Variants in XPR1 observed in about 807,000 individuals in gnomAD.
XPR1 encodes the protein solute carrier family 53 member 1.
Under a neutral mutation model 87.5 loss-of-function variants are expected in XPR1, and 28 were observed. The ratio of observed to expected loss-of-function variants is 0.32; its 90% CI spans 0.24 to 0.44. XPR1 has a LOEUF of 0.44. Ranked by LOEUF, XPR1 falls within the 20% of genes least tolerant of loss-of-function variation. XPR1 has a pLI of 1.00. For synonymous variants in XPR1, 300 were observed against 306.1 expected, an observed-to-expected ratio of 0.98 and a Z score of 0.21; for missense variants, 559 against 862.3, an observed-to-expected ratio of 0.65 and a Z score of 4.41.
At chr1:180,811,534 T>A in intron 7 of XPR1, 46 bp downstream of exon 7, 8 of 1,453,308 alleles carry the variant, frequency 5.5e-6, no homozygotes, top group Non-Finnish European at 7.7e-6. Flanking sequence ...CCAATATGCC[T>A]GTGTCATATT....
At chr1:180,656,587 AAT>A (rs1490682519) in intron 1 of XPR1, among the ~76,000 whole-genome samples, 1 of 97,868 alleles carries the variant, frequency 1.0e-5, no homozygotes, top group African/African-American at 3.9e-5. Flanking sequence ...ATGTATGTAT[AAT>A]ATATATTTTA....
chr1:180,642,049 A>G (rs1418076193), intron 1 of XPR1, among the ~76,000 whole-genome samples: 2 of 152,196 alleles, frequency 1.3e-5, no homozygotes, highest in Non-Finnish European at 2.9e-5. Flanking sequence ...GCAAATGCCA[A>G]TTAAAAGACT....
intron 2 of XPR1, among the ~76,000 whole-genome samples, chr1:180,741,289 G>C (rs900230861): frequency 2.0e-5 from 3 of 151,712 alleles, no homozygotes; most frequent in Admixed American, 2.0e-4. Flanking sequence ...TTATTCTCCC[G>C]AGTAGCTGGG....
chr1:180,866,349 C>G (rs186244643), intron 12 of XPR1, among the ~76,000 whole-genome samples: 6 of 152,284 alleles, frequency 3.9e-5, no homozygotes, highest in African/African-American at 1.4e-4. Context: ...AAAATCAGTT[C>G]TTAGGGATTA....
At chr1:180,663,151 G>A (rs1178669696) in intron 1 of XPR1, among the ~76,000 whole-genome samples, 2 of 152,122 alleles carry the variant, frequency 1.3e-5, no homozygotes. Context: ...AGTTCCTTTG[G>A]TGAGGTCATG....
intron 9 of XPR1, among the ~76,000 whole-genome samples, chr1:180,834,609 T>C (rs140851114): frequency 8.1e-4 from 124 of 152,342 alleles, no homozygotes; most frequent in African/African-American, 2.8e-3. Context: ...TTGCAAAGAA[T>C]TAGCAGCATC....
intron 2 of XPR1, among the ~76,000 whole-genome samples, chr1:180,738,210 C>A (rs1327969092): frequency 6.6e-6 from 1 of 152,050 alleles, no homozygotes; most frequent in Non-Finnish European, 1.5e-5. Flanking sequence ...TGAAGTTTGG[C>A]CACGTTGGCC....
intron 2 of XPR1, among the ~76,000 whole-genome samples, chr1:180,769,283 T>G (rs1648406763): frequency 6.6e-6 from 1 of 152,152 alleles, no homozygotes; most frequent in Non-Finnish European, 1.5e-5. Context: ...TTAAGTTATT[T>G]TTAAATGTAC....
At chr1:180,796,147 A>G (rs562162556) in intron 3 of XPR1, among the ~76,000 whole-genome samples, 2 of 152,214 alleles carry the variant, frequency 1.3e-5, no homozygotes, top group African/African-American at 4.8e-5. Flanking sequence ...GATTTTCATC[A>G]TAGATCAAAG....
At position 180,884,302 on chromosome 1, in the gene XPR1, A is replaced by G. The variant is rs979592769; in HGVS notation, c.*236A>G. Reference sequence around the variant, plus strand: ...AAACAAATATTTACTTCATTTGCCAATCAGAGGATGTTTTAAGAAACAAAA... The same window carrying G: ...AAACAAATATTTACTTCATTTGCCAGTCAGAGGATGTTTTAAGAAACAAAA... On this transcript the variant is annotated 3_prime_UTR_variant, in exon 15 of 15. Transcript: ENST00000367590. The G allele has an allele frequency of 1.4e-5, 6 of 426,542 alleles. No individual in the cohort carries two copies. Among genetic ancestry groups the G allele is most frequent in the African/African-American group, 1.2e-4 (6 of 49,252 alleles). The allele number at this position is 426,542 out of a possible 1,614,324, so 26.4% of individuals were successfully genotyped here. A position where few individuals can be genotyped will look rare whatever the true frequency, so the allele number is the denominator to read the frequency against.
chr1:180,792,875 T>C (rs1294464978), intron 3 of XPR1, among the ~76,000 whole-genome samples: 1 of 152,084 alleles, frequency 6.6e-6, no homozygotes, highest in Non-Finnish European at 1.5e-5. Flanking sequence ...AAATACTTAG[T>C]TTCTAAACAG....
chr1:180,870,566 T>C lies in XPR1; in HGVS notation c.1669-3237T>C, dbSNP rs2102216041. Reference sequence around the variant, plus strand: ...TGTTGAATTGATCCCTTTACCATTATGTAATGGCCTTCTTTGTCTCTTTTG... The same window carrying C: ...TGTTGAATTGATCCCTTTACCATTACGTAATGGCCTTCTTTGTCTCTTTTG... On this transcript the variant is annotated intron_variant, in intron 12 of 14. Transcript: ENST00000367590. 4.7e-5 allele frequency among the ~76,000 whole-genome samples: 2 copies of C among 42,368 alleles called. 1 individual carries two copies. The highest frequency in any genetic ancestry group is 0.012 in the Middle Eastern group (2 of 172). 27.8% of individuals were successfully genotyped at this position (42,368 alleles called of 152,430 possible).
At chr1:180,776,653 T>G (rs1648738032) in intron 2 of XPR1, among the ~76,000 whole-genome samples, 1 of 152,128 alleles carries the variant, frequency 6.6e-6, no homozygotes, top group East Asian at 1.9e-4. Flanking sequence ...CAAAAATCAT[T>G]TGAAAACCAC....
chr1:180,669,044 G>A (rs10914062), intron 1 of XPR1, among the ~76,000 whole-genome samples: 6,478 of 149,132 alleles, frequency 0.043, 494 homozygotes, highest in African/African-American at 0.15. Context: ...AGCTGAGATC[G>A]CACCATTGCA....
In XPR1 at chr1:180,652,650, A is replaced by G. The variant is rs181051782; in HGVS notation, c.69+20380A>G. Among the ~76,000 whole-genome samples the G allele has an allele frequency of 4.8e-3, 729 of 152,308 alleles. 6 individuals are homozygous for G. Among genetic ancestry groups the G allele is most frequent in the Non-Finnish European group, 5.4e-3 (368 of 68,014 alleles). On this transcript the variant is annotated intron_variant, in intron 1 of 14. Transcript: ENST00000367590. The stretch of plus-strand genomic sequence containing the variant: ...TAATATTTTCCTTTCCATACTTTTT[A>G]TAAGAAATAAAGGTTTTAGCTCCTT...
intron 2 of XPR1, among the ~76,000 whole-genome samples, chr1:180,762,309 T>C (rs1319417419): frequency 1.3e-5 from 2 of 152,066 alleles, no homozygotes; most frequent in African/African-American, 4.8e-5. Flanking sequence ...TGGCAAATTA[T>C]GTATGTATAT....
At chr1:180,790,236 C>T (rs1363560006) in intron 3 of XPR1, among the ~76,000 whole-genome samples, 1 of 152,110 alleles carries the variant, frequency 6.6e-6, no homozygotes, top group Non-Finnish European at 1.5e-5. Flanking sequence ...TTTACGACTA[C>T]TGACTAAATT....
intron 11 of XPR1, among the ~76,000 whole-genome samples, chr1:180,861,087 C>G (rs547214405): frequency 6.6e-6 from 1 of 152,168 alleles, no homozygotes; most frequent in South Asian, 2.1e-4. Flanking sequence ...CTCCATATCA[C>G]CTATACTCAC....
At chr1:180,680,469 G>C (rs1371735296) in intron 1 of XPR1, among the ~76,000 whole-genome samples, 1 of 145,596 alleles carries the variant, frequency 6.9e-6, no homozygotes, top group Non-Finnish European at 1.5e-5. Context: ...GGGTTCAAGC[G>C]ATTCTCCTGT....
Sources: allele counts gnomAD v4.1 joint callset (sites outside exome capture counted in the v4.1 genomes callset), GRCh38; gene constraint gnomAD v4.1.1; transcripts MANE v1.5; gene names NCBI Gene and HGNC (gene_info 2026-07-23, HGNC 2026-07-21).